Variants in SORL1 observed in about 807,000 individuals in gnomAD.
SORL1 encodes sortilin-related receptor.
SORL1 carries 127 observed loss-of-function variants against 273.7 expected under a neutral mutation model. The observed-to-expected ratio is 0.46, with a 90% CI of 0.40 to 0.54. The LOEUF (loss-of-function observed/expected upper bound fraction) is 0.54. Among genes scored for constraint, SORL1 ranks in the 20% least tolerant of loss-of-function variants. The pLI, the probability that SORL1 is intolerant of heterozygous loss-of-function variation, is 0.00. For missense variants in SORL1, 2,494 were observed against 2,846.1 expected (o/e 0.88, Z 2.81); for synonymous variants, 1,031 against 1,067.4 (o/e 0.97, Z 0.66).
intron 32 of SORL1, 35 bp from the exon 33 acceptor site, chr11:121,604,158 T>C (rs1410408604): frequency 6.2e-7 from 1 of 1,611,476 alleles, no homozygotes; most frequent in Non-Finnish European, 8.5e-7. Flanking sequence ...ATACGGCCCC[T>C]CCCCGTGGAC....
intron 3 of SORL1, among the ~76,000 whole-genome samples, chr11:121,486,570 C>T (rs1479191364): frequency 2.0e-5 from 3 of 151,578 alleles, no homozygotes; most frequent in African/African-American, 4.9e-5. Flanking sequence ...AGCTCCGCCT[C>T]CTGGGTTCAC....
At chr11:121,510,102 C>T (rs748526419) in intron 6 of SORL1, among the ~76,000 whole-genome samples, 5 of 152,066 alleles carry the variant, frequency 3.3e-5, no homozygotes, top group Non-Finnish European at 5.9e-5. Flanking sequence ...ACTAAAGTGC[C>T]CACCAATAGC....
chr11:121,561,053 A>G (rs1413233620), intron 21 of SORL1, among the ~76,000 whole-genome samples: 1 of 152,206 alleles, frequency 6.6e-6, no homozygotes, highest in East Asian at 1.9e-4. Context: ...ATCCACCCCT[A>G]CTGATCTGAC....
intron 8 of SORL1, among the ~76,000 whole-genome samples, chr11:121,519,474 C>T (rs144976747): frequency 0.027 from 4,070 of 151,734 alleles, 319 homozygotes; most frequent in East Asian, 0.2. Flanking sequence ...TGCAGTGGCG[C>T]GATCTCGGCT....
intron 2 of SORL1, among the ~76,000 whole-genome samples, chr11:121,475,378 T>C (rs531245212): frequency 3.3e-4 from 51 of 152,246 alleles, no homozygotes; most frequent in Non-Finnish European, 6.5e-4. Flanking sequence ...CATGATGGCC[T>C]TCAGGCATAG....
At chr11:121,623,460 G>T (rs900664977) in intron 45 of SORL1, among the ~76,000 whole-genome samples, 7 of 152,234 alleles carry the variant, frequency 4.6e-5, no homozygotes, top group African/African-American at 1.7e-4. Flanking sequence ...GAATTTGTGT[G>T]TAGTATTTAT....
At chr11:121,531,091 A>C (rs1452207214) in intron 11 of SORL1, among the ~76,000 whole-genome samples, 1 of 152,146 alleles carries the variant, frequency 6.6e-6, no homozygotes, top group Non-Finnish European at 1.5e-5. Flanking sequence ...ACATGGTTAT[A>C]ATAGCTATTT....
chr11:121,472,288 C>T (rs550642279), intron 2 of SORL1, among the ~76,000 whole-genome samples: 1 of 152,212 alleles, frequency 6.6e-6, no homozygotes, highest in Admixed American at 6.5e-5. Context: ...TTGAGAAATC[C>T]TTCTTGGAAT....
At chr11:121,465,635 C>T (rs536227776) in intron 1 of SORL1, among the ~76,000 whole-genome samples, 1 of 152,020 alleles carries the variant, frequency 6.6e-6, no homozygotes, top group Non-Finnish European at 1.5e-5. Flanking sequence ...TCAAGCAATT[C>T]TCCTGCCTCA....
At chr11:121,619,950 T>C (rs1291480185) in intron 43 of SORL1, 33 bp downstream of exon 43, 1 of 1,585,388 alleles carries the variant, frequency 6.3e-7, no homozygotes, top group Admixed American at 1.7e-5. Flanking sequence ...CCTCTTTGTT[T>C]ATTCCTGGCC....
At chr11:121,497,986 C>G (rs1489868424) in intron 6 of SORL1, among the ~76,000 whole-genome samples, 1 of 152,078 alleles carries the variant, frequency 6.6e-6, no homozygotes, top group African/African-American at 2.4e-5. Context: ...ATTTTAGGGT[C>G]AAGAGAGGAT....
At chr11:121,559,401 G>C in intron 20 of SORL1, 118 bp from the exon 21 acceptor site, 1 of 1,038,156 alleles carries the variant, frequency 9.6e-7, no homozygotes, top group Non-Finnish European at 1.4e-6. Flanking sequence ...TCTTGATCAG[G>C]CTAGTCATTC....
In SORL1 at chr11:121,555,400, G is replaced by A. The variant is rs995736644; in HGVS notation, c.2571+82G>A. 3.4e-5 allele frequency: 52 copies of A among 1,522,556 alleles called. No individual in the cohort carries two copies. In the Admixed American group the frequency reaches 6.3e-4, roughly 18 times the overall value. 94.3% of individuals were successfully genotyped at this position (1,522,556 alleles called of 1,614,324 possible). ...TGAGCCACATTTGACACAGAGGCAA[G>A]GGCCAGTGTGTCAGATTACTCAGGA... On this transcript the variant is annotated intron_variant, in intron 18 of 47. Transcript: ENST00000260197.
At position 121,605,163 on chromosome 11, in the gene SORL1, T is replaced by C. The variant is rs1355875823; in HGVS notation, c.4702T>C (p.Ser1568Pro). 8.1e-6 allele frequency: 13 copies of C among 1,613,606 alleles called. No individual in the cohort carries two copies. Among genetic ancestry groups the C allele is most frequent in the Non-Finnish European group, 1.1e-5 (13 of 1,179,626 alleles). Reference sequence around the variant, plus strand: ...GAATCTTCAGTGGACAGCTGACTTCTCTGGGGATGTGACTTTGACCTGGAT... The same window carrying C: ...GAATCTTCAGTGGACAGCTGACTTCCCTGGGGATGTGACTTTGACCTGGAT... ...VQNLQWTADFSGDVTLTWMRP... is the reference protein window; with the variant it reads ...VQNLQWTADFPGDVTLTWMRP... Residue 1568 changes from serine (S) to proline (P), a missense_variant, in exon 34 of 48, where the codon TCT becomes CCT. Ser to Pro is a moderately conservative substitution (Grantham distance 74, BLOSUM62 -1). Coordinates refer to ENST00000260197, the MANE Select transcript of SORL1 (RefSeq NM_003105.6).
In SORL1 at chr11:121,604,177, C is replaced by T. The variant is rs1413305066; in HGVS notation, c.4520-16C>T. 6.2e-7 allele frequency: 1 copy of T among 1,613,572 alleles called. No homozygotes were observed. The highest frequency in any genetic ancestry group is 1.7e-5 in the Admixed American group (1 of 60,016). ...GGCCCCTCCCCGTGGACTTAAGAAG[C>T]CTCTCTGTGTTTCAGCCACACACAG... On this transcript the variant is annotated splice_polypyrimidine_tract_variant and intron_variant, in intron 32 of 47. Coordinates refer to ENST00000260197, the MANE Select transcript of SORL1 (RefSeq NM_003105.6).
intron 33 of SORL1, among the ~76,000 whole-genome samples, chr11:121,604,604 C>G (rs1863441887): frequency 6.6e-6 from 1 of 151,938 alleles, no homozygotes; most frequent in Non-Finnish European, 1.5e-5. Flanking sequence ...CCATGGCTCT[C>G]ACAGTCTCAA....
intron 2 of SORL1, 84 bp from the exon 3 acceptor site, chr11:121,478,032 CAA>C (rs55896588): frequency 0.06 from 61,592 of 1,028,116 alleles, 10 homozygotes; most frequent in East Asian, 0.11. Flanking sequence ...AACTCAGTCT[CAA>C]AAAAAAAAAA....
At chr11:121,535,141 C>T (rs754271011) in intron 12 of SORL1, among the ~76,000 whole-genome samples, 4 of 151,842 alleles carry the variant, frequency 2.6e-5, no homozygotes, top group Admixed American at 6.6e-5. Context: ...AGCTAGTGTG[C>T]CAATTGCACA....
At chr11:121,461,031 G>A (rs905161948) in intron 1 of SORL1, among the ~76,000 whole-genome samples, 1 of 152,090 alleles carries the variant, frequency 6.6e-6, no homozygotes, top group Non-Finnish European at 1.5e-5. Flanking sequence ...AGAGCAGAGT[G>A]GGGTGAGTGT....
Sources: allele counts gnomAD v4.1 joint callset (sites outside exome capture counted in the v4.1 genomes callset), GRCh38; gene constraint gnomAD v4.1.1; transcripts MANE v1.5; gene names NCBI Gene and HGNC (gene_info 2026-07-23, HGNC 2026-07-21).